The following DPP6 variants were observed in gnomAD, a reference collection of about 807,000 sequenced individuals.
DPP6 encodes dipeptidyl peptidase like 6, also known as A-type potassium channel modulatory protein DPP6.
DPP6 carries 69 observed loss-of-function variants against 122.6 expected under a neutral mutation model. The observed-to-expected ratio is 0.56, with a 90% CI of 0.46 to 0.69. DPP6 has a LOEUF of 0.69. Ranked by LOEUF, DPP6 falls within the 30% of genes least tolerant of loss-of-function variation. The probability of loss-of-function intolerance (pLI) is 0.00; values close to 1 mark genes in which losing one functional copy is unlikely to be tolerated. For synonymous variants in DPP6, 418 were observed against 433.1 expected (o/e 0.97, Z 0.43); for missense variants, 928 against 1,116.9 (o/e 0.83, Z 2.41).
intron 8 of DPP6, among the ~76,000 whole-genome samples, chr7:154,768,808 T>C (rs572801759): frequency 6.6e-6 from 1 of 152,336 alleles, no homozygotes; most frequent in South Asian, 2.1e-4. Context: ...TTTTCTGCCA[T>C]GCATAGTGAG....
chr7:154,587,868 A>G, intron 5 of DPP6: 1 of 1,612,912 alleles, frequency 6.2e-7, no homozygotes. Context: ...GACCTGTTTC[A>G]GATATTCCAT....
chr7:154,504,830 T>G (rs35709512), intron 3 of DPP6, among the ~76,000 whole-genome samples: 14,832 of 151,390 alleles, frequency 0.098, 757 homozygotes, highest in Middle Eastern at 0.11. Flanking sequence ...GCTATTAAAA[T>G]TACATGTTTT....
At position 154,803,968 on chromosome 7, in the gene DPP6, C is replaced by G. The variant is rs767230950; in HGVS notation, c.1499+13C>G. The G allele has an allele frequency of 6.2e-6, 10 of 1,612,034 alleles. No homozygotes were observed. Among genetic ancestry groups the G allele is most frequent in the Non-Finnish European group, 8.5e-6 (10 of 1,179,102 alleles). On this transcript the variant is annotated intron_variant, in intron 14 of 25. Transcript: ENST00000377770. ...AGGGGAATAAGATGTGAGTGAGAAC[C>G]AGGGGCCTGCCCCATCTTACTGGCC...
intron 1 of DPP6, among the ~76,000 whole-genome samples, chr7:153,920,807 C>A (rs112710753): frequency 0.016 from 2,369 of 152,114 alleles, 69 homozygotes; most frequent in African/African-American, 0.055. Context: ...GATCTGCCCA[C>A]CTCAGCCTCC....
intron 2 of DPP6, among the ~76,000 whole-genome samples, chr7:154,458,906 G>T (rs1393280413): frequency 2.0e-5 from 3 of 152,002 alleles, no homozygotes; most frequent in Non-Finnish European, 2.9e-5. Flanking sequence ...TTCAAAAGGT[G>T]GTTCTTTACC....
chr7:154,054,753 A>G (rs1303375090), intron 1 of DPP6, among the ~76,000 whole-genome samples: 1 of 150,290 alleles, frequency 6.7e-6, no homozygotes. Flanking sequence ...CAATGCAAAC[A>G]GGAAAAATGT....
chr7:153,755,350 CT>C, the DPP6 span, among the ~76,000 whole-genome samples: 1 of 143,660 alleles, frequency 7.0e-6, no homozygotes, highest in African/African-American at 2.6e-5. Context: ...CTTTGTGAAG[CT>C]TTCTTGTTGA....
In DPP6 at chr7:153,937,989, A is replaced by G. The variant is rs192721343; in HGVS notation, c.51+50255A>G. The stretch of plus-strand genomic sequence containing the variant: ...TTCAAAAAAATATATGACAGGTGCT[A>G]CGAGGGCTGTCCTAGTTCTCTCTTA... On this transcript the variant is annotated intron_variant, in intron 1 of 25. Transcript: ENST00000404039. Among the ~76,000 whole-genome samples the G allele has an allele frequency of 9.2e-4, 140 of 152,338 alleles. No individual in the cohort carries two copies. The Middle Eastern group carries it at 0.01, about 11-fold the overall frequency.
chr7:154,587,890 C>A (rs2130711472), intron 5 of DPP6: 1 of 1,612,872 alleles, frequency 6.2e-7, no homozygotes, highest in East Asian at 2.2e-5. Context: ...GAGACCCTGG[C>A]TGGAGGATTG....
chr7:154,716,479 A>G (rs1841490047), intron 7 of DPP6, among the ~76,000 whole-genome samples: 1 of 152,182 alleles, frequency 6.6e-6, no homozygotes, highest in African/African-American at 2.4e-5. Flanking sequence ...TCTCCCATGC[A>G]CACCGAATGA....
intron 7 of DPP6, 131 bp from the exon 8 acceptor site, chr7:154,727,636 C>A: frequency 1.6e-6 from 2 of 1,247,924 alleles, no homozygotes; most frequent in Non-Finnish European, 1.1e-6. Context: ...AATTTTGAGA[C>A]TGCCTTTGTT....
intron 1 of DPP6, among the ~76,000 whole-genome samples, chr7:154,004,089 G>A (rs6959602): frequency 6.6e-6 from 1 of 151,616 alleles, no homozygotes; most frequent in East Asian, 1.9e-4. Context: ...GTCCAGCAAG[G>A]CTTTAGGATG....
chr7:154,186,602 A>G (rs148683225), intron 1 of DPP6, among the ~76,000 whole-genome samples: 9 of 152,344 alleles, frequency 5.9e-5, no homozygotes, highest in Non-Finnish European at 1.3e-4. Context: ...CTAGTAGCAC[A>G]CAGGCATGGC....
intron 1 of DPP6, among the ~76,000 whole-genome samples, chr7:154,236,526 T>C (rs1314936691): frequency 6.6e-6 from 1 of 152,208 alleles, no homozygotes; most frequent in Admixed American, 6.5e-5. Context: ...TGATGAAAGA[T>C]TCTCTTCATT....
At chr7:154,414,141 A>C (rs753979959) in intron 1 of DPP6, among the ~76,000 whole-genome samples, 21 of 152,310 alleles carry the variant, frequency 1.4e-4, no homozygotes, top group Non-Finnish European at 2.4e-4. Flanking sequence ...TTTGCTCTTC[A>C]ATCGGCCATC....
intron 1 of DPP6, among the ~76,000 whole-genome samples, chr7:154,011,818 C>G (rs898594502): frequency 6.6e-6 from 1 of 152,158 alleles, no homozygotes; most frequent in African/African-American, 2.4e-5. Context: ...GAGTGATTAT[C>G]GAATCCATTC....
At chr7:154,651,540 G>A (rs1042087814) in intron 6 of DPP6, among the ~76,000 whole-genome samples, 4 of 152,150 alleles carry the variant, frequency 2.6e-5, no homozygotes, top group Non-Finnish European at 5.9e-5. Flanking sequence ...GCCGGAGCTA[G>A]GGCCAAATGA....
At chr7:154,634,964 A>G (rs1468820282) in intron 5 of DPP6, among the ~76,000 whole-genome samples, 1 of 152,140 alleles carries the variant, frequency 6.6e-6, no homozygotes, top group Non-Finnish European at 1.5e-5. Flanking sequence ...GATGGCAGCT[A>G]TTCTTACTTT....
rs1471045495 is a variant in DPP6 at position 154,018,054 on chromosome 7, A to T, written c.51+130320A>T. Among the ~76,000 whole-genome samples the T allele has an allele frequency of 5.3e-5, 8 of 152,302 alleles. No individual in the cohort carries two copies. In the East Asian group the frequency reaches 1.4e-3, roughly 26 times the overall value. ...CTGTATGGCCCTGTCATTATTATGC[A>T]TACCCATGGAACCAGCTGGGCACTC... is the stretch of plus-strand genomic sequence containing the variant. On this transcript the variant is annotated intron_variant, in intron 1 of 25. Coordinates refer to the DPP6 transcript ENST00000404039.
Sources: gnomAD v4.1 joint callset for allele counts (sites outside exome capture counted in the v4.1 genomes callset) on GRCh38, gnomAD v4.1.1 for gene constraint, MANE v1.5 for transcripts, NCBI Gene and HGNC (gene_info 2026-07-23, HGNC 2026-07-21) for gene names.